Variants in AP3S2 observed in about 807,000 individuals in gnomAD.
AP3S2 encodes AP-3 complex subunit sigma-2.
A neutral mutation model predicts 23.4 loss-of-function variants in AP3S2; 22 were observed. The ratio of observed to expected loss-of-function variants is 0.94; its 90% CI spans 0.67 to 1.34. The LOEUF (loss-of-function observed/expected upper bound fraction) is 1.34, where lower values mean the gene tolerates loss of function less well. AP3S2 is among the 40% of genes most tolerant of loss of function. The pLI is 0.00. For missense variants in AP3S2, 241 were observed against 236.9 expected, an observed-to-expected ratio of 1.02 and a Z score of -0.11; for synonymous variants, 86 against 87.1, an observed-to-expected ratio of 0.99 and a Z score of 0.07.
intron 3 of AP3S2, among the ~76,000 whole-genome samples, chr15:89,871,967 G>C (rs952690914): frequency 1.3e-5 from 2 of 151,762 alleles, no homozygotes; most frequent in African/African-American, 4.8e-5. Context: ...AAATTATCTG[G>C]GTGTGGCGAC....
intron 1 of AP3S2, among the ~76,000 whole-genome samples, chr15:89,890,828 T>C (rs776900191): frequency 3.9e-5 from 6 of 152,220 alleles, no homozygotes; most frequent in African/African-American, 7.2e-5. Context: ...AAAACGTAAT[T>C]GTGGGGAAAT....
At chr15:89,847,544 C>T (rs1895527640) in intron 4 of AP3S2, among the ~76,000 whole-genome samples, 1 of 152,084 alleles carries the variant, frequency 6.6e-6, no homozygotes, top group Non-Finnish European at 1.5e-5. Context: ...GTTGCAACAA[C>T]CCTCCGGAAG....
chr15:89,893,771 A>C (rs1596227820), intron 1 of AP3S2, 110 bp downstream of exon 1: 2 of 1,074,698 alleles, frequency 1.9e-6, no homozygotes, highest in African/African-American at 1.6e-5. Flanking sequence ...TGCTCGGTGC[A>C]GGAGCCCCAG....
At chr15:89,884,362 G>A (rs1218115098) in intron 3 of AP3S2, among the ~76,000 whole-genome samples, 1 of 151,622 alleles carries the variant, frequency 6.6e-6, no homozygotes, top group Non-Finnish European at 1.5e-5. Flanking sequence ...CAGTTTTCCT[G>A]CTAAAGAAAT....
chr15:89,890,096 T>C (rs889879317), intron 1 of AP3S2, among the ~76,000 whole-genome samples: 1 of 152,002 alleles, frequency 6.6e-6, no homozygotes, highest in Non-Finnish European at 1.5e-5. Context: ...TCTTGTTCTG[T>C]TGCCCAGGCA....
At chr15:89,839,801 A>C (rs1475624083) in intron 4 of AP3S2, among the ~76,000 whole-genome samples, 1 of 152,276 alleles carries the variant, frequency 6.6e-6, no homozygotes, top group Non-Finnish European at 1.5e-5. Flanking sequence ...AAAATGTGCC[A>C]TAGAAATACA....
chr15:89,880,856 T>C (rs957606222), intron 3 of AP3S2, among the ~76,000 whole-genome samples: 2 of 152,214 alleles, frequency 1.3e-5, no homozygotes, highest in African/African-American at 4.8e-5. Flanking sequence ...GAACATACCA[T>C]TGTTGACACC....
chr15:89,864,879 C>T lies in AP3S2; in HGVS notation c.345+6596G>A, dbSNP rs1215056476. Among the ~76,000 whole-genome samples, 4 of 151,990 alleles carry T rather than the reference C, an allele frequency of 2.6e-5. No individual in the cohort carries two copies. The East Asian group carries it at 7.7e-4, about 29-fold the overall frequency. On this transcript the variant is annotated intron_variant, in intron 4 of 5. Transcript: ENST00000336418. ...TTTTTAAATCACAGGCAGACAACCT[C>T]ACAGAAGAAAGAACAAAGGCCCTGA... is the stretch of plus-strand genomic sequence containing the variant.
intron 4 of AP3S2, among the ~76,000 whole-genome samples, chr15:89,863,526 A>T (rs747418105): frequency 1.3e-5 from 2 of 152,236 alleles, no homozygotes; most frequent in Non-Finnish European, 2.9e-5. Flanking sequence ...CCCTCCTTTA[A>T]CACAGGAAGA....
intron 3 of AP3S2, among the ~76,000 whole-genome samples, chr15:89,871,776 C>A (rs1896324269): frequency 6.6e-6 from 1 of 152,166 alleles, no homozygotes; most frequent in South Asian, 2.1e-4. Context: ...CATAGCAACA[C>A]AACCAGCAGA....
At chr15:89,843,107 C>A (rs543435185) in intron 4 of AP3S2, among the ~76,000 whole-genome samples, 1 of 128,430 alleles carries the variant, frequency 7.8e-6, no homozygotes, top group East Asian at 3.2e-4. Context: ...GCTTCAGCCT[C>A]CTGAGTAGCT....
At chr15:89,878,770 G>C (rs1364674654) in intron 3 of AP3S2, among the ~76,000 whole-genome samples, 1 of 151,690 alleles carries the variant, frequency 6.6e-6, no homozygotes, top group African/African-American at 2.4e-5. Context: ...TTTGATACAG[G>C]GTCTCTCGCT....
intron 4 of AP3S2, among the ~76,000 whole-genome samples, chr15:89,859,425 G>A (rs1422527326): frequency 2.7e-5 from 3 of 109,362 alleles, no homozygotes; most frequent in African/African-American, 1.1e-4. Flanking sequence ...ATGGAGTCCT[G>A]CTCTGTCGCC....
chr15:89,836,847 A>T (rs549833249), intron 5 of AP3S2, among the ~76,000 whole-genome samples: 1 of 152,222 alleles, frequency 6.6e-6, no homozygotes, highest in Admixed American at 6.5e-5. Flanking sequence ...CTTCCACAGG[A>T]CTGCCAGTCC....
At chr15:89,889,216 A>G in intron 1 of AP3S2, 76 bp from the exon 2 acceptor site, 1 of 1,519,232 alleles carries the variant, frequency 6.6e-7, no homozygotes, top group Middle Eastern at 1.7e-4. Flanking sequence ...TGGACAAGGG[A>G]AGAAGTGTTT....
rs568185223 is a variant in AP3S2 at position 89,893,799 on chromosome 15, C to T, written c.69+82G>A. 5 of 1,379,488 alleles carry T rather than the reference C, an allele frequency of 3.6e-6. No individual in the cohort carries two copies. In the South Asian group the frequency reaches 3.8e-5, roughly 10 times the overall value. 85.5% of individuals were successfully genotyped at this position (1,379,488 alleles called of 1,614,324 possible). A position where few individuals can be genotyped will look rare whatever the true frequency, so the allele number is the denominator to read the frequency against. On this transcript the variant is annotated intron_variant, in intron 1 of 5. Coordinates refer to ENST00000336418, the MANE Select transcript of AP3S2 (RefSeq NM_005829.5). ...AGCCCCAGGTGACCAAAGAGCGGTG[C>T]CCCCGGGCGCCGAGAGGCCAAAGAG... is the stretch of plus-strand genomic sequence containing the variant.
intron 4 of AP3S2, among the ~76,000 whole-genome samples, chr15:89,849,770 T>C (rs1167993120): frequency 6.6e-6 from 1 of 152,156 alleles, no homozygotes; most frequent in Non-Finnish European, 1.5e-5. Context: ...TGGTGGTTTG[T>C]TGCACCCATC....
At chr15:89,893,613 C>T in intron 1 of AP3S2, 1 of 468,434 alleles carries the variant, frequency 2.1e-6, no homozygotes, top group Non-Finnish European at 3.8e-6. Context: ...CTATCTCGTT[C>T]CCAGAGACCC....
chr15:89,885,465 A>C (rs954091158), intron 3 of AP3S2, among the ~76,000 whole-genome samples: 2 of 152,074 alleles, frequency 1.3e-5, no homozygotes, highest in Non-Finnish European at 2.9e-5. Flanking sequence ...GGCCTCCCAA[A>C]GTGCTAGGAT....
Sources: gnomAD v4.1 joint callset for allele counts (sites outside exome capture counted in the v4.1 genomes callset) on GRCh38, gnomAD v4.1.1 for gene constraint, MANE v1.5 for transcripts, NCBI Gene and HGNC (gene_info 2026-07-23, HGNC 2026-07-21) for gene names.